The following EIPR1 variants were observed in gnomAD, a reference collection of about 807,000 sequenced individuals.
EIPR1 encodes EARP complex and GARP complex interacting protein 1.
In EIPR1, 25 loss-of-function variants were observed where a neutral mutation model predicts 48.1. That is an observed-to-expected ratio of 0.52 (90% confidence interval 0.38 to 0.73). EIPR1 has a LOEUF of 0.73. Ranked by LOEUF, EIPR1 falls within the 30% of genes least tolerant of loss-of-function variation. The probability of loss-of-function intolerance (pLI) is 0.00; values close to 1 mark genes in which losing one functional copy is unlikely to be tolerated. For missense variants in EIPR1, 415 were observed against 506.2 expected (o/e 0.82, Z 1.73); for synonymous variants, 204 against 201.9 (o/e 1.01, Z -0.09).
intron 1 of EIPR1, among the ~76,000 whole-genome samples, chr2:3,356,059 G>C (rs1175922563): frequency 6.6e-6 from 1 of 152,280 alleles, no homozygotes; most frequent in East Asian, 1.9e-4. Flanking sequence ...CTGGGCTGAG[G>C]GAGAAGATGA....
chr2:3,326,335 G>A (rs552489777), intron 3 of EIPR1, among the ~76,000 whole-genome samples: 7 of 152,204 alleles, frequency 4.6e-5, no homozygotes, highest in African/African-American at 9.6e-5. Flanking sequence ...TTGGAGAGCC[G>A]GTAAGCAGCA....
intron 3 of EIPR1, among the ~76,000 whole-genome samples, chr2:3,299,622 T>TCA (rs574613479): frequency 0.049 from 6,907 of 140,690 alleles, 170 homozygotes; most frequent in African/African-American, 0.073. Context: ...TCTCTCTCTC[T>TCA]CTCACACACA....
intron 3 of EIPR1, among the ~76,000 whole-genome samples, chr2:3,308,136 C>G (rs968177028): frequency 6.6e-6 from 1 of 152,178 alleles, no homozygotes; most frequent in Non-Finnish European, 1.5e-5. Flanking sequence ...GACTGTGGGG[C>G]TCTGACAGCT....
At chr2:3,297,752 G>A (rs981514683) in intron 3 of EIPR1, among the ~76,000 whole-genome samples, 1 of 152,164 alleles carries the variant, frequency 6.6e-6, no homozygotes, top group Non-Finnish European at 1.5e-5. Context: ...CCAGGTAGTG[G>A]GCCAGAATTA....
At chr2:3,256,954 A>G (rs2602746) in intron 4 of EIPR1, among the ~76,000 whole-genome samples, 100,719 of 152,092 alleles carry the variant, frequency 0.66, 33,586 homozygotes, top group East Asian at 0.81. Context: ...AATAATTGCC[A>G]TGTGAGTGTG....
rs371560905 is a variant in EIPR1 at position 3,335,824 on chromosome 2, AT to A, written c.259+2192del. 1.1e-3 allele frequency among the ~76,000 whole-genome samples: 162 copies of A among 152,108 alleles called. No homozygotes were observed. In the South Asian group the frequency reaches 0.032, roughly 30 times the overall value. On this transcript the variant is annotated intron_variant, in intron 3 of 8. Coordinates refer to ENST00000382125, the MANE Select transcript of EIPR1 (RefSeq NM_003310.5). ...CTGGCTTCCGTCACCCCCCACTGTGATTGTGCGTTTCCTGAGGCCGCCCAGT... is the reference window on the plus strand; with the variant it reads ...CTGGCTTCCGTCACCCCCCACTGTGATGTGCGTTTCCTGAGGCCGCCCAGT...
chr2:3,194,528 G>A, intron 6 of EIPR1: 1 of 180,930 alleles, frequency 5.5e-6, no homozygotes, highest in Admixed American at 5.6e-5. Flanking sequence ...ATTTGGACAG[G>A]ATGCCTGACA....
At chr2:3,341,565 T>C (rs143788643) in intron 2 of EIPR1, among the ~76,000 whole-genome samples, 15 of 150,146 alleles carry the variant, frequency 1.0e-4, no homozygotes, top group African/African-American at 3.7e-4. Flanking sequence ...GGGGTGTGAG[T>C]GTGAGGCAGG....
intron 3 of EIPR1, chr2:3,282,556 G>A (rs1668044878): frequency 6.6e-6 from 1 of 152,250 alleles, no homozygotes; most frequent in African/African-American, 2.4e-5. Context: ...ACTGACATCG[G>A]TGCCTACAGA....
intron 3 of EIPR1, among the ~76,000 whole-genome samples, chr2:3,287,654 G>A (rs1005032584): frequency 5.4e-5 from 8 of 147,616 alleles, no homozygotes; most frequent in Non-Finnish European, 1.0e-4. Context: ...CGGAAAGCTC[G>A]TTCACCACAA....
At chr2:3,374,252 G>A (rs62120462) in intron 1 of EIPR1, among the ~76,000 whole-genome samples, 24,179 of 151,496 alleles carry the variant, frequency 0.16, 2,157 homozygotes, top group Non-Finnish European at 0.2. Context: ...AGACTTAAAC[G>A]TTAGACCTAA....
chr2:3,375,269 T>G, intron 1 of EIPR1, among the ~76,000 whole-genome samples: 1 of 145,684 alleles, frequency 6.9e-6, no homozygotes, highest in Non-Finnish European at 1.5e-5. Flanking sequence ...TTAGGAGATA[T>G]ACCTAATGCT....
intron 3 of EIPR1, among the ~76,000 whole-genome samples, chr2:3,276,969 A>T (rs191051101): frequency 1.3e-5 from 2 of 152,352 alleles, no homozygotes; most frequent in African/African-American, 4.8e-5. Flanking sequence ...ACAAGTCACC[A>T]GGGAGCAAAC....
intron 4 of EIPR1, among the ~76,000 whole-genome samples, chr2:3,217,369 T>C (rs988771476): frequency 3.9e-5 from 6 of 152,176 alleles, no homozygotes; most frequent in African/African-American, 1.4e-4. Context: ...AGCTAAAAAG[T>C]AGTAAACATC....
chr2:3,208,297 TGAA>T, intron 5 of EIPR1: 1 of 573,192 alleles, frequency 1.7e-6, no homozygotes, highest in Middle Eastern at 4.6e-4. Flanking sequence ...CTCACAGACC[TGAA>T]GGAGGACAGG....
At chr2:3,235,534 A>T (rs1055245169) in intron 4 of EIPR1, among the ~76,000 whole-genome samples, 1 of 152,184 alleles carries the variant, frequency 6.6e-6, no homozygotes. Flanking sequence ...CAGGTCCTTC[A>T]GGTCCACGCT....
Position 3,189,917 on chromosome 2 carries a change from T to A in EIPR1, c.990-409A>T, listed in dbSNP as rs1248655565. 6.6e-6 allele frequency among the ~76,000 whole-genome samples: 1 copy of A among 152,108 alleles called. No homozygotes were observed. Among genetic ancestry groups the A allele is most frequent in the Non-Finnish European group, 1.5e-5 (1 of 68,008 alleles). ...TAACACAGGATGTAAACGCCCCTAT[T>A]GCTTGAGCAGAAAGGACCCTGGGAA... On this transcript the variant is annotated intron_variant, in intron 8 of 8. Coordinates refer to ENST00000382125, the MANE Select transcript of EIPR1 (RefSeq NM_003310.5). This position sits in a 1 kb window ranked among gnomAD's most constrained non-coding sequence, Gnocchi z 4.6.
chr2:3,218,152 T>A (rs1055897159), intron 4 of EIPR1, among the ~76,000 whole-genome samples: 26 of 120,986 alleles, frequency 2.1e-4, no homozygotes, highest in African/African-American at 5.2e-4. Flanking sequence ...ACTCTAGAGC[T>A]TTCACAGTGA....
rs528680882 is a variant in EIPR1, at chr2:3,263,380, T to C, written c.260-5925A>G. Among the ~76,000 whole-genome samples the C allele has an allele frequency of 3.9e-5, 6 of 152,290 alleles. No homozygotes were observed. In the South Asian group the frequency reaches 1.2e-3, roughly 32 times the overall value. On this transcript the variant is annotated intron_variant, in intron 3 of 8. Transcript: ENST00000382125. ...GTGATGCCTGGAGCCCCTTCCATCC[T>C]GAGAACAGGAAGAAGTTCATCCGAC...
Sources: gnomAD v4.1 joint callset for allele counts (sites outside exome capture counted in the v4.1 genomes callset) on GRCh38, gnomAD v4.1.1 for gene constraint, Gnocchi (gnomAD v3.1) non-coding constraint, MANE v1.5 for transcripts, NCBI Gene and HGNC (gene_info 2026-07-23, HGNC 2026-07-21) for gene names.